The following DENND5B variants were observed in gnomAD, a reference collection of about 807,000 sequenced individuals.
DENND5B encodes DENN domain containing 5B, also known as DENN domain-containing protein 5B.
In DENND5B, 34 loss-of-function variants were observed where a neutral mutation model predicts 140.6. That is an observed-to-expected ratio of 0.24 (90% CI 0.18 to 0.32). The LOEUF is 0.32. Among genes scored for constraint, DENND5B ranks in the 10% least tolerant of loss-of-function variants. The pLI, the probability that DENND5B is intolerant of heterozygous loss-of-function variation, is 1.00. For synonymous variants in DENND5B, 551 were observed against 562.1 expected (o/e 0.98, Z 0.28); for missense variants, 1,142 against 1,560.2 (o/e 0.73, Z 4.52).
In DENND5B at chr12:31,590,722, C is replaced by T; in HGVS notation, c.111G>A (p.Glu37=). ...LCGIDADSGL[E]PDELAGENFD... ...TGGCCTTACCCGCCAGCTCGTCAGG[C>T]TCCAGCCCGCTGTCCGCGTCGATCC... The change falls in exon 1 of 21, where the codon GAG becomes GAA. Residue 37 remains glutamate, a synonymous_variant. Coordinates refer to ENST00000389082, the MANE Select transcript of DENND5B (RefSeq NM_144973.4). The T allele has an allele frequency of 6.8e-7, 1 of 1,476,706 alleles. No individual in the cohort carries two copies. Among genetic ancestry groups the T allele is most frequent in the Non-Finnish European group, 8.9e-7 (1 of 1,119,914 alleles). 91.5% of individuals were successfully genotyped at this position (1,476,706 alleles called of 1,614,324 possible).
At chr12:31,556,762 A>G (rs774164054) in intron 1 of DENND5B, among the ~76,000 whole-genome samples, 2 of 152,208 alleles carry the variant, frequency 1.3e-5, no homozygotes, top group African/African-American at 4.8e-5. Context: ...AACAAAATAC[A>G]CACTGAAGTG....
At chr12:31,455,956 T>C (rs1362942101) in intron 4 of DENND5B, among the ~76,000 whole-genome samples, 1 of 151,830 alleles carries the variant, frequency 6.6e-6, no homozygotes, top group African/African-American at 2.4e-5. Context: ...GAGGCAGAGG[T>C]TGCAGTGTGC....
intron 1 of DENND5B, among the ~76,000 whole-genome samples, chr12:31,497,643 T>G (rs111743870): frequency 0.021 from 3,141 of 149,112 alleles, 106 homozygotes; most frequent in African/African-American, 0.074. Flanking sequence ...TAAAAAAAAG[T>G]TACTTGGCCA....
chr12:31,536,724 TAAG>T (rs1948507626), intron 1 of DENND5B, among the ~76,000 whole-genome samples: 1 of 151,970 alleles, frequency 6.6e-6, no homozygotes, highest in Non-Finnish European at 1.5e-5. Flanking sequence ...TATCCAAATA[TAAG>T]AAGATTACAG....
intron 8 of DENND5B, among the ~76,000 whole-genome samples, chr12:31,427,990 TA>T (rs1943324027): frequency 6.6e-6 from 1 of 152,204 alleles, no homozygotes; most frequent in African/African-American, 2.4e-5. Context: ...GGGATTCCAC[TA>T]ATCTGTTTAC....
intron 1 of DENND5B, among the ~76,000 whole-genome samples, chr12:31,544,937 C>T (rs1333722302): frequency 2.0e-5 from 3 of 151,712 alleles, no homozygotes; most frequent in South Asian, 4.2e-4. Context: ...AGACAATAAA[C>T]AAAGAATCCA....
At chr12:31,464,427 TA>T (rs1945162687) in intron 3 of DENND5B, among the ~76,000 whole-genome samples, 1 of 152,234 alleles carries the variant, frequency 6.6e-6, no homozygotes, top group African/African-American at 2.4e-5. Context: ...GCTTCAACAG[TA>T]CCCTATCTTT....
chr12:31,548,740 G>A (rs1244301773), intron 1 of DENND5B, among the ~76,000 whole-genome samples: 1 of 152,130 alleles, frequency 6.6e-6, no homozygotes, highest in African/African-American at 2.4e-5. Flanking sequence ...TTCAACAAGT[G>A]TGCTTTCAAG....
intron 14 of DENND5B, among the ~76,000 whole-genome samples, chr12:31,408,180 G>C (rs1215304299): frequency 6.6e-6 from 1 of 151,294 alleles, no homozygotes; most frequent in African/African-American, 2.4e-5. Flanking sequence ...CCTATATACA[G>C]ATGTGTGATT....
intron 1 of DENND5B, among the ~76,000 whole-genome samples, chr12:31,507,732 C>T (rs1453497786): frequency 6.6e-6 from 1 of 152,058 alleles, no homozygotes; most frequent in Non-Finnish European, 1.5e-5. Flanking sequence ...CTTGCCAGTG[C>T]TTAGTAAATA....
At chr12:31,546,364 CCT>C (rs1230105343) in intron 1 of DENND5B, among the ~76,000 whole-genome samples, 1 of 152,006 alleles carries the variant, frequency 6.6e-6, no homozygotes, top group Non-Finnish European at 1.5e-5. Flanking sequence ...TCAACTCCTC[CCT>C]GAGTAATACA....
In DENND5B at chr12:31,382,684, A is replaced by C. The variant is rs1352256034; in HGVS notation, c.*4919T>G. ...CCTACATAACCCAAGGATACCCTGGATCCCTTCGAATGAGGAAAAATTTTA... is the reference window on the plus strand; with the variant it reads ...CCTACATAACCCAAGGATACCCTGGCTCCCTTCGAATGAGGAAAAATTTTA... On this transcript the variant is annotated 3_prime_UTR_variant, in exon 21 of 21. Coordinates refer to ENST00000389082, the MANE Select transcript of DENND5B (RefSeq NM_144973.4). The C allele has an allele frequency of 1.3e-5, 2 of 151,926 alleles. No individual in the cohort carries two copies. Among genetic ancestry groups the C allele is most frequent in the Non-Finnish European group, 2.9e-5 (2 of 67,970 alleles). 9.4% of individuals were successfully genotyped at this position (151,926 alleles called of 1,614,324 possible).
rs181779425 is a variant in DENND5B at position 31,564,912 on chromosome 12, T to C, written c.127+25794A>G. 4.3e-4 allele frequency among the ~76,000 whole-genome samples: 66 copies of C among 152,228 alleles called. 1 individual carries two copies. The East Asian group carries it at 0.012, about 28-fold the overall frequency. ...CCATGCCATACTGCAATTCTAAAGA[T>C]AGCAGATTGTATTATTTCCTTCAGC... On this transcript the variant is annotated intron_variant, in intron 1 of 20. Coordinates refer to ENST00000389082, the MANE Select transcript of DENND5B (RefSeq NM_144973.4).
intron 1 of DENND5B, among the ~76,000 whole-genome samples, chr12:31,560,646 C>T (rs540000738): frequency 6.6e-6 from 1 of 152,176 alleles, no homozygotes; most frequent in Admixed American, 6.5e-5. Context: ...ATGGCTCCCC[C>T]CATTCTCTTA....
intron 17 of DENND5B, among the ~76,000 whole-genome samples, chr12:31,393,460 T>C (rs1272361428): frequency 1.3e-5 from 2 of 152,200 alleles, no homozygotes; most frequent in African/African-American, 2.4e-5. Context: ...GACAGGTTGG[T>C]GGGCTGCTTG....
chr12:31,564,418 T>C (rs191712503), intron 1 of DENND5B, among the ~76,000 whole-genome samples: 6 of 151,904 alleles, frequency 3.9e-5, no homozygotes, highest in South Asian at 2.1e-4. Flanking sequence ...TCCATGAATA[T>C]TTCAGAAGAA....
rs1940907849 is a variant in DENND5B at position 31,387,606 on chromosome 12, C to A, written c.3822G>T (p.Val1274=). 1 of 1,612,396 alleles carries A rather than the reference C, an allele frequency of 6.2e-7. No individual in the cohort carries two copies. Among genetic ancestry groups the A allele is most frequent in the Non-Finnish European group, 8.5e-7 (1 of 1,178,764 alleles). ...TGAGAGTTTCTAGCCAGTTGGGTTA[C>A]ACATCCACTCCTTTGATGAGTGATC... is the stretch of plus-strand genomic sequence containing the variant. ...LEGSLIKGVD[V] is the part of the protein sequence containing the mutation. Residue 1274 remains valine, a synonymous_variant, in exon 21 of 21, where the codon GTG becomes GTT. Transcript: ENST00000389082.
intron 2 of DENND5B, among the ~76,000 whole-genome samples, chr12:31,493,548 G>A (rs1946614786): frequency 6.6e-6 from 1 of 152,090 alleles, no homozygotes; most frequent in African/African-American, 2.4e-5. Flanking sequence ...GCAAAAATGA[G>A]CCAGGTGTGG....
intron 3 of DENND5B, chr12:31,477,597 A>G (rs1223687365): frequency 6.4e-6 from 1 of 155,364 alleles, no homozygotes; most frequent in African/African-American, 2.4e-5. Context: ...CATAGATTGG[A>G]TTCATCACAA....
Sources: gnomAD v4.1 joint callset for allele counts (sites outside exome capture counted in the v4.1 genomes callset) on GRCh38, gnomAD v4.1.1 for gene constraint, MANE v1.5 for transcripts, NCBI Gene and HGNC (gene_info 2026-07-23, HGNC 2026-07-21) for gene names.